Variants in LCMT1 observed in about 807,000 individuals in gnomAD.
LCMT1 encodes leucine carboxyl methyltransferase 1, also known as [Phosphatase 2A protein]-leucine-carboxy methyltransferase 1.
A neutral mutation model predicts 47.7 loss-of-function variants in LCMT1; 32 were observed. The observed-to-expected ratio is 0.67, with a 90% CI of 0.51 to 0.90. The LOEUF is 0.90. Among genes scored for constraint, LCMT1 ranks in the 40% least tolerant of loss-of-function variants. LCMT1 has a pLI of 0.00. For missense variants in LCMT1, 375 were observed against 415.2 expected (o/e 0.90, Z 0.84); for synonymous variants, 152 against 149.7 (o/e 1.02, Z -0.11).
chr16:25,151,530 C>T, intron 4 of LCMT1, 24 bp from the exon 5 acceptor site: 1 of 1,596,896 alleles, frequency 6.3e-7, no homozygotes, highest in Admixed American at 1.7e-5. Context: ...ACTCATTTTT[C>T]TCCTCTTTCC....
chr16:25,169,857 GCCC>G (rs1231635926), intron 8 of LCMT1, among the ~76,000 whole-genome samples: 5 of 151,936 alleles, frequency 3.3e-5, no homozygotes, highest in African/African-American at 1.2e-4. Flanking sequence ...CTATGTTAAT[GCCC>G]CCTCCCTTTA....
At chr16:25,133,159 C>T (rs1182437897) in intron 3 of LCMT1, among the ~76,000 whole-genome samples, 4 of 151,990 alleles carry the variant, frequency 2.6e-5, no homozygotes, top group Non-Finnish European at 4.4e-5. Context: ...CTGCGCCCAG[C>T]CTATATTTGT....
chr16:25,153,473 CTCCCAA>C (rs58539375), intron 5 of LCMT1, among the ~76,000 whole-genome samples: 38,440 of 151,792 alleles, frequency 0.25, 4,933 homozygotes, highest in East Asian at 0.35. Flanking sequence ...TCAGAACACA[CTCCCAA>C]TCCCAATCCC....
At chr16:25,167,330 T>C (rs1961617004) in intron 7 of LCMT1, among the ~76,000 whole-genome samples, 1 of 152,134 alleles carries the variant, frequency 6.6e-6, no homozygotes, top group Non-Finnish European at 1.5e-5. Context: ...GTCTTTTTTT[T>C]TTTTAGAGAC....
At chr16:25,156,949 T>C (rs1961276934) in intron 5 of LCMT1, among the ~76,000 whole-genome samples, 2 of 151,558 alleles carry the variant, frequency 1.3e-5, no homozygotes, top group African/African-American at 4.9e-5. Context: ...CCTTTTTTTT[T>C]TTTTTTTTTT....
chr16:25,125,622 C>T (rs747950280), intron 1 of LCMT1, among the ~76,000 whole-genome samples: 7 of 151,816 alleles, frequency 4.6e-5, no homozygotes, highest in Non-Finnish European at 1.0e-4. Flanking sequence ...ATCACGACAT[C>T]AGGAGTTTGA....
intron 1 of LCMT1, chr16:25,126,009 A>G (rs1173535192): frequency 3.0e-6 from 4 of 1,349,904 alleles, no homozygotes; most frequent in African/African-American, 1.5e-5. Context: ...CTCACTGCCC[A>G]ACACTGGGTG....
intron 1 of LCMT1, among the ~76,000 whole-genome samples, chr16:25,112,341 A>G (rs1268794108): frequency 6.6e-6 from 1 of 152,148 alleles, no homozygotes; most frequent in Non-Finnish European, 1.5e-5. Flanking sequence ...TACGAGGATG[A>G]GAGGTGTAGG....
intron 5 of LCMT1, among the ~76,000 whole-genome samples, chr16:25,160,010 G>T (rs1386569671): frequency 6.6e-6 from 1 of 150,952 alleles, no homozygotes; most frequent in Non-Finnish European, 1.5e-5. Flanking sequence ...CTGTCGCCCA[G>T]GCTGGAGTGC....
chr16:25,111,929 A>C lies in LCMT1; in HGVS notation c.46A>C (p.Thr16Pro). 1.2e-6 allele frequency: 2 copies of C among 1,613,412 alleles called. No homozygotes were observed. The highest frequency in any genetic ancestry group is 1.7e-6 in the Non-Finnish European group (2 of 1,179,716). The stretch of plus-strand genomic sequence containing the variant: ...ATCCTCTATCACCTCCTGCTGTTCC[A>C]CCTCGAGCTGCGACGCAGACGACGA... ...RESSITSCCS[T>P]SSCDADDEGV... Residue 16 changes from threonine to proline, a missense_variant, in exon 1 of 11, where the codon ACC (threonine) becomes CCC (proline). By Grantham distance (38) the Thr-to-Pro change is conservative (BLOSUM62 -1). Coordinates refer to ENST00000399069, the MANE Select transcript of LCMT1 (RefSeq NM_016309.3).
rs73561399 is a variant in LCMT1, at chr16:25,120,399, C to T, written c.114-8076C>T. ...CCACCACGCCCAGCTAATTTAAATT[C>T]TATGGTTTTTGATTTCTTTTTTTTT... On this transcript the variant is annotated intron_variant, in intron 1 of 10. Transcript: ENST00000399069. 8.8e-3 allele frequency among the ~76,000 whole-genome samples: 1,302 copies of T among 147,532 alleles called. 25 individuals are homozygous for T. Among genetic ancestry groups the T allele is most frequent in the African/African-American group, 0.031 (1,250 of 40,258 alleles).
At chr16:25,119,501 G>A (rs2141626716) in intron 1 of LCMT1, among the ~76,000 whole-genome samples, 1 of 152,120 alleles carries the variant, frequency 6.6e-6, no homozygotes, top group Middle Eastern at 3.4e-3. Flanking sequence ...TCCTGATGAG[G>A]TCTTAACGTT....
chr16:25,147,902 G>A (rs1331286936), intron 4 of LCMT1: 1 of 152,114 alleles, frequency 6.6e-6, no homozygotes, highest in Non-Finnish European at 1.5e-5. Flanking sequence ...TGTTTCCCAG[G>A]CTGGAGTTTC....
intron 8 of LCMT1, 93 bp from the exon 9 acceptor site, chr16:25,170,621 C>A (rs781303433): frequency 1.0e-6 from 1 of 1,000,748 alleles, no homozygotes; most frequent in Admixed American, 1.9e-5. Context: ...CAGAATGAGA[C>A]CTTGTCTCTT....
chr16:25,134,273 C>G (rs1960440629), intron 3 of LCMT1, among the ~76,000 whole-genome samples: 1 of 152,152 alleles, frequency 6.6e-6, no homozygotes, highest in African/African-American at 2.4e-5. Flanking sequence ...AGTGAGAAAT[C>G]AGTGACTTCA....
chr16:25,139,252 A>G (rs1960602216), intron 3 of LCMT1, among the ~76,000 whole-genome samples: 1 of 152,164 alleles, frequency 6.6e-6, no homozygotes, highest in African/African-American at 2.4e-5. Context: ...CAGTGAGTTT[A>G]CTGACTTTCC....
intron 1 of LCMT1, among the ~76,000 whole-genome samples, chr16:25,120,413 T>A (rs1419469240): frequency 6.7e-6 from 1 of 150,090 alleles, no homozygotes; most frequent in Non-Finnish European, 1.5e-5. Context: ...GGTTTTTGAT[T>A]TCTTTTTTTT....
At chr16:25,151,469 G>C in intron 4 of LCMT1, 85 bp from the exon 5 acceptor site, 1 of 1,135,056 alleles carries the variant, frequency 8.8e-7, no homozygotes. Flanking sequence ...GGTAGTGAGT[G>C]TCTGCATTTG....
chr16:25,146,978 AC>A (rs1475217226), intron 4 of LCMT1: 3 of 152,178 alleles, frequency 2.0e-5, no homozygotes, highest in Non-Finnish European at 2.9e-5. Context: ...TATGCCTGGG[AC>A]CGCATCTCCC....
Sources: allele counts gnomAD v4.1 joint callset (sites outside exome capture counted in the v4.1 genomes callset), GRCh38; gene constraint gnomAD v4.1.1; transcripts MANE v1.5; gene names NCBI Gene and HGNC (gene_info 2026-07-23, HGNC 2026-07-21).